The following LRRTM4 variants were observed in gnomAD, a reference collection of about 807,000 sequenced individuals.
LRRTM4 encodes the protein leucine rich repeat transmembrane neuronal 4.
Under a neutral mutation model 47.6 loss-of-function variants are expected in LRRTM4, and 25 were observed. The ratio of observed to expected loss-of-function variants is 0.53; its 90% confidence interval spans 0.38 to 0.73. LRRTM4 has a LOEUF of 0.73. Among genes scored for constraint, LRRTM4 ranks in the 30% least tolerant of loss-of-function variants. LRRTM4 has a pLI of 0.00. For missense variants in LRRTM4, 638 were observed against 713.4 expected (o/e 0.89, Z 1.20); for synonymous variants, 311 against 269.5 (o/e 1.15, Z -1.51).
At chr2:77,516,652 G>A in intron 3 of LRRTM4, 1 of 981,702 alleles carries the variant, frequency 1.0e-6, no homozygotes, top group Non-Finnish European at 1.2e-6. Flanking sequence ...AAAACATCAA[G>A]CCTTGTTAGA....
At chr2:76,796,255 T>C (rs1675317976) in intron 3 of LRRTM4, among the ~76,000 whole-genome samples, 1 of 97,732 alleles carries the variant, frequency 1.0e-5, no homozygotes, top group African/African-American at 5.1e-5. Context: ...TGCCCGCCAT[T>C]GAACAGGCTT....
chr2:77,237,563 AT>A (rs2103982744), intron 3 of LRRTM4, among the ~76,000 whole-genome samples: 1 of 152,090 alleles, frequency 6.6e-6, no homozygotes, highest in African/African-American at 2.4e-5. Flanking sequence ...TTGAGTTCTG[AT>A]TTGATTTTAG....
intron 3 of LRRTM4, among the ~76,000 whole-genome samples, chr2:77,182,071 G>A (rs927800979): frequency 6.6e-6 from 1 of 152,110 alleles, no homozygotes; most frequent in African/African-American, 2.4e-5. Context: ...CCATTACTGG[G>A]TATATACCCA....
chr2:76,883,786 A>C (rs1340658870), intron 3 of LRRTM4, among the ~76,000 whole-genome samples: 1 of 152,194 alleles, frequency 6.6e-6, no homozygotes, highest in Non-Finnish European at 1.5e-5. Context: ...AGAGCACTGC[A>C]GACAAGTGCT....
intron 3 of LRRTM4, among the ~76,000 whole-genome samples, chr2:77,049,296 T>C (rs1579870): frequency 0.21 from 32,211 of 150,608 alleles, 3,629 homozygotes; most frequent in East Asian, 0.3. Flanking sequence ...ATTGATTTCT[T>C]TTCCTTTTTC....
chr2:76,775,108 C>T (rs976165934), intron 3 of LRRTM4, among the ~76,000 whole-genome samples: 2 of 152,132 alleles, frequency 1.3e-5, no homozygotes, highest in Middle Eastern at 3.2e-3. Flanking sequence ...TTCATGATTT[C>T]TTTGATTGGC....
At chr2:76,896,042 G>A (rs1290352539) in intron 3 of LRRTM4, among the ~76,000 whole-genome samples, 1 of 151,994 alleles carries the variant, frequency 6.6e-6, no homozygotes, top group Non-Finnish European at 1.5e-5. Context: ...TAAAGTCTAT[G>A]TCCTTGGAAA....
At chr2:77,503,013 A>G (rs1314382398) in intron 3 of LRRTM4, among the ~76,000 whole-genome samples, 1 of 151,324 alleles carries the variant, frequency 6.6e-6, no homozygotes, top group Non-Finnish European at 1.5e-5. Context: ...GTAAAATGAA[A>G]ATCTGTGAAG....
chr2:77,275,928 C>G (rs1051093082), intron 3 of LRRTM4, among the ~76,000 whole-genome samples: 1 of 151,962 alleles, frequency 6.6e-6, no homozygotes, highest in Non-Finnish European at 1.5e-5. Flanking sequence ...TGAGTCCTCA[C>G]AATTAAGATG....
At chr2:77,516,615 A>ATAT in intron 3 of LRRTM4, 1 of 983,016 alleles carries the variant, frequency 1.0e-6, no homozygotes, top group Non-Finnish European at 1.2e-6. Flanking sequence ...ATACTCAAGT[A>ATAT]TATTGTATAA....
chr2:77,444,632 C>G (rs182271785), intron 3 of LRRTM4, among the ~76,000 whole-genome samples: 1 of 151,808 alleles, frequency 6.6e-6, no homozygotes, highest in Admixed American at 6.6e-5. Context: ...GAAAAAACAC[C>G]AAGAAAGTAA....
At chr2:77,456,578 C>A (rs1305953397) in intron 3 of LRRTM4, among the ~76,000 whole-genome samples, 1 of 152,140 alleles carries the variant, frequency 6.6e-6, no homozygotes, top group East Asian at 1.9e-4. Context: ...TAGTATTACT[C>A]CCATCTACCA....
chr2:77,281,498 G>A (rs1347029666), intron 3 of LRRTM4, among the ~76,000 whole-genome samples: 1 of 151,808 alleles, frequency 6.6e-6, no homozygotes, highest in African/African-American at 2.4e-5. Flanking sequence ...TTATTTTTTA[G>A]ACAAATGATA....
chr2:77,004,676 T>C (rs1558791981), intron 3 of LRRTM4, among the ~76,000 whole-genome samples: 2 of 152,048 alleles, frequency 1.3e-5, no homozygotes, highest in Admixed American at 6.5e-5. Flanking sequence ...CTCCAGACCC[T>C]AGAATGGTAG....
intron 3 of LRRTM4, among the ~76,000 whole-genome samples, chr2:77,160,613 T>G (rs762065820): frequency 2.0e-5 from 3 of 152,174 alleles, no homozygotes; most frequent in African/African-American, 7.2e-5. Flanking sequence ...GTCCAAGGCT[T>G]TTTATTGTAC....
intron 3 of LRRTM4, among the ~76,000 whole-genome samples, chr2:77,030,618 A>G (rs992338754): frequency 3.3e-5 from 5 of 152,172 alleles, no homozygotes; most frequent in African/African-American, 9.7e-5. Flanking sequence ...CCTTTAAAAC[A>G]ATTTTTCAAA....
At chr2:76,831,202 CAT>C (rs1233794166) in intron 3 of LRRTM4, among the ~76,000 whole-genome samples, 5 of 152,050 alleles carry the variant, frequency 3.3e-5, no homozygotes, top group Middle Eastern at 3.4e-3. Flanking sequence ...TGTATGTGTG[CAT>C]ATGTGTGTGT....
intron 3 of LRRTM4, among the ~76,000 whole-genome samples, chr2:76,754,895 A>C (rs572351343): frequency 6.6e-6 from 1 of 152,148 alleles, no homozygotes; most frequent in Non-Finnish European, 1.5e-5. Flanking sequence ...TGCAGCACTC[A>C]CGGGAGCTCA....
intron 3 of LRRTM4, among the ~76,000 whole-genome samples, chr2:76,822,137 A>T (rs940857320): frequency 6.6e-6 from 1 of 151,590 alleles, no homozygotes; most frequent in Non-Finnish European, 1.5e-5. Flanking sequence ...GAAAATATTT[A>T]CTCAAGAAAA....
Sources: gnomAD v4.1 joint callset for allele counts (sites outside exome capture counted in the v4.1 genomes callset) on GRCh38, gnomAD v4.1.1 for gene constraint, MANE v1.5 for transcripts, NCBI Gene and HGNC (gene_info 2026-07-23, HGNC 2026-07-21) for gene names.